Variants in MRO observed in about 807,000 individuals in gnomAD.
MRO encodes maestro.
A neutral mutation model predicts 31.0 loss-of-function variants in MRO; 28 were observed. That is an observed-to-expected ratio of 0.90 (90% CI 0.67 to 1.24). The LOEUF (loss-of-function observed/expected upper bound fraction) is 1.24, where lower values mean the gene tolerates loss of function less well. Ranked by LOEUF, MRO falls within the 50% of genes most tolerant of loss-of-function variation. The pLI, the probability that MRO is intolerant of heterozygous loss-of-function variation, is 0.00. For synonymous variants in MRO, 108 were observed against 108.4 expected (o/e 1.00, Z 0.02); for missense variants, 332 against 289.2 (o/e 1.15, Z -1.07).
intron 5 of MRO, among the ~76,000 whole-genome samples, chr18:50,803,067 C>A (rs532185649): frequency 6.6e-6 from 1 of 152,084 alleles, no homozygotes; most frequent in South Asian, 2.1e-4. Context: ...TGGGAACACA[C>A]GCACGGGTGA....
At chr18:50,820,333 T>C (rs747906796), upstream of MRO, among the ~76,000 whole-genome samples, 4 of 152,204 alleles carry the variant, frequency 2.6e-5, no homozygotes, top group Admixed American at 1.3e-4. Context: ...AAATGATTTA[T>C]TGGTAAAAAG....
At chr18:50,803,548 G>A (rs959036343) in intron 5 of MRO, among the ~76,000 whole-genome samples, 3 of 151,818 alleles carry the variant, frequency 2.0e-5, no homozygotes, top group South Asian at 2.1e-4. Context: ...ACAAGTCCTC[G>A]AAGTTCAGAT....
At position 50,801,505 on chromosome 18, in the gene MRO, C is replaced by T; in HGVS notation, c.430-1G>A. Reference sequence around the variant, plus strand: ...CCGAGTATCTCAGACTGTCGTTCTCCTGCGGTCCCCATCAACAAAACAATA... The same window carrying T: ...CCGAGTATCTCAGACTGTCGTTCTCTTGCGGTCCCCATCAACAAAACAATA... On this transcript the variant is annotated splice_acceptor_variant, in intron 5 of 7. Coordinates refer to ENST00000398439, the MANE Select transcript of MRO (RefSeq NM_031939.6). LOFTEE classifies it high-confidence loss of function. The T allele has an allele frequency of 6.3e-7, 1 of 1,585,006 alleles. No homozygotes were observed. Among genetic ancestry groups the T allele is most frequent in the Admixed American group, 1.8e-5 (1 of 54,378 alleles).
rs1469287439 is a variant in MRO at position 50,806,762 on chromosome 18, T to C, written c.188A>G (p.Lys63Arg). Residue 63 changes from lysine to arginine, a missense_variant, in exon 4 of 8, where the codon AAA (lysine) becomes AGA (arginine). Transcript: ENST00000398439. ...LAERARDPSA[K>R]KRHMAMRNLG... Reference sequence around the variant, plus strand: ...GTTTCTCATTGCCATGTGACGCTTTTTAGCACTGGGGTCCCGAGCTCTTTC... The same window carrying C: ...GTTTCTCATTGCCATGTGACGCTTTCTAGCACTGGGGTCCCGAGCTCTTTC... The C allele has an allele frequency of 1.2e-6, 2 of 1,614,048 alleles. No individual in the cohort carries two copies. Among genetic ancestry groups the C allele is most frequent in the Non-Finnish European group, 1.7e-6 (2 of 1,180,046 alleles).
rs567064189 is a variant in MRO at position 50,797,784 on chromosome 18, C to G, written c.*1553G>C. The stretch of plus-strand genomic sequence containing the variant: ...GTGCTAGGGAGGGGCAGGGGGCTTA[C>G]AGCTCAGAACCACCCATTTGCTCGT... On this transcript the variant is annotated 3_prime_UTR_variant, in exon 8 of 8. Coordinates refer to ENST00000398439, the MANE Select transcript of MRO (RefSeq NM_031939.6). 2 of 152,324 alleles carry G rather than the reference C, an allele frequency of 1.3e-5. No individual in the cohort carries two copies. The highest frequency in any genetic ancestry group is 4.1e-4 in the South Asian group (2 of 4,832). 9.4% of individuals were successfully genotyped at this position (152,324 alleles called of 1,614,324 possible).
chr18:50,815,427 A>T, intron 2 of MRO: 1 of 247,790 alleles, frequency 4.0e-6, no homozygotes, highest in Non-Finnish European at 8.2e-6. Context: ...ATGGATTTGG[A>T]GGTGATGGTA....
intron 6 of MRO, among the ~76,000 whole-genome samples, chr18:50,800,420 A>ATC (rs1185851525): frequency 2.0e-5 from 3 of 152,194 alleles, no homozygotes; most frequent in Non-Finnish European, 4.4e-5. Context: ...CCTAAATTTA[A>ATC]TCTCTCTCTC....
intron 5 of MRO, among the ~76,000 whole-genome samples, chr18:50,804,860 C>T (rs1015421108): frequency 1.3e-5 from 2 of 151,850 alleles, no homozygotes; most frequent in Admixed American, 6.6e-5. Flanking sequence ...GGCGTGATCT[C>T]GGCTCACTGC....
intron 2 of MRO, among the ~76,000 whole-genome samples, chr18:50,818,006 A>G (rs1447403543): frequency 1.3e-5 from 1 of 75,460 alleles, no homozygotes; most frequent in Non-Finnish European, 2.7e-5. Flanking sequence ...CCCCCGCCCC[A>G]TGCCCTCCTT....
chr18:50,809,321 A>G lies in MRO; in HGVS notation c.80T>C (p.Met27Thr). 1 of 1,613,390 alleles carries G rather than the reference A, an allele frequency of 6.2e-7. No homozygotes were observed. Among genetic ancestry groups the G allele is most frequent in the Non-Finnish European group, 8.5e-7 (1 of 1,179,542 alleles). The change falls in exon 3 of 8, where the codon ATG becomes ACG. Residue 27 changes from methionine (M) to threonine (T), a missense_variant. By Grantham distance (81) the Met-to-Thr change is moderately conservative. Transcript: ENST00000398439. ...TSQPKQKRTS[M>T]ISFFSKVSWK... ...TCAGACCTTGGAAAAGAAAGATATC[A>G]TTGATGTCCTTTTCTGCTTGGGCTG...
intron 3 of MRO, among the ~76,000 whole-genome samples, chr18:50,808,892 C>G (rs536433960): frequency 6.6e-6 from 1 of 151,484 alleles, no homozygotes; most frequent in African/African-American, 2.4e-5. Flanking sequence ...AATCCCAGCA[C>G]TTTGGGAGGC....
rs749954986 is a variant in MRO, at chr18:50,806,885, G to A, written c.100-35C>T. On this transcript the variant is annotated intron_variant, in intron 3 of 7. Coordinates refer to ENST00000398439, the MANE Select transcript of MRO (RefSeq NM_031939.6). ...GGGTCAAAAATGTATTAATTTGGGA[G>A]TGTTCAGAGTCATACCAATCCCAAC... 1.9e-6 allele frequency: 3 copies of A among 1,608,382 alleles called. No individual in the cohort carries two copies. In the African/African-American group the frequency reaches 4.0e-5, roughly 22 times the overall value.
intron 2 of MRO, chr18:50,815,402 A>T (rs1380523626): frequency 1.6e-5 from 4 of 242,872 alleles, no homozygotes; most frequent in Non-Finnish European, 3.4e-5. Context: ...TATGCAGGAG[A>T]TGACAGTGGA....
At chr18:50,812,267 T>G (rs1205828002) in intron 2 of MRO, among the ~76,000 whole-genome samples, 1 of 152,262 alleles carries the variant, frequency 6.6e-6, no homozygotes, top group African/African-American at 2.4e-5. Context: ...TAATGACTAA[T>G]GAGGCTAAGC....
chr18:50,802,916 A>AGTGTGT (rs71735972), intron 5 of MRO, among the ~76,000 whole-genome samples: 4,818 of 144,666 alleles, frequency 0.033, 93 homozygotes, highest in South Asian at 0.062. Flanking sequence ...GTGTGTGTGT[A>AGTGTGT]GTGTGTGTGT....
upstream of MRO, chr18:50,820,185 A>G: frequency 1.7e-6 from 1 of 586,174 alleles, no homozygotes; most frequent in Non-Finnish European, 3.1e-6. Context: ...CATTTAATCT[A>G]AGGATGGGAC....
intron 2 of MRO, among the ~76,000 whole-genome samples, chr18:50,811,953 G>A (rs938010762): frequency 7.9e-5 from 12 of 151,942 alleles, no homozygotes; most frequent in African/African-American, 2.2e-4. Context: ...TGTTGGCCAG[G>A]CTGGTCTTGA....
At chr18:50,808,195 C>T (rs1385399393) in intron 3 of MRO, among the ~76,000 whole-genome samples, 3 of 152,190 alleles carry the variant, frequency 2.0e-5, no homozygotes, top group African/African-American at 7.2e-5. Context: ...AGCCTATGAG[C>T]TCTCATGCAG....
rs183070696 is a variant in MRO, at chr18:50,817,385, A to G, written c.-5+2196T>C. Among the ~76,000 whole-genome samples, 188 of 152,232 alleles carry G rather than the reference A, an allele frequency of 1.2e-3. 1 individual carries two copies. The highest frequency in any genetic ancestry group is 4.3e-3 in the African/African-American group (177 of 41,540). On this transcript the variant is annotated intron_variant, in intron 2 of 7. Transcript: ENST00000398439. The stretch of plus-strand genomic sequence containing the variant: ...TGCAGTGGCTCACACCTGTAATCCC[A>G]GCACTTTGGGAGGCTGAGCATCCCT...
Sources: allele counts gnomAD v4.1 joint callset (sites outside exome capture counted in the v4.1 genomes callset), GRCh38; gene constraint gnomAD v4.1.1; transcripts MANE v1.5; gene names NCBI Gene and HGNC (gene_info 2026-07-23, HGNC 2026-07-21).